GPHN: variants seen among roughly 807,000 people sequenced by gnomAD.
GPHN encodes gephyrin.
Under a neutral mutation model 95.5 loss-of-function variants are expected in GPHN, and 17 were observed. That is an observed-to-expected ratio of 0.18 (90% CI 0.12 to 0.27). The LOEUF (loss-of-function observed/expected upper bound fraction) is 0.27, where lower values mean the gene tolerates loss of function less well. Among genes scored for constraint, GPHN ranks in the 10% least tolerant of loss-of-function variants. GPHN has a pLI of 1.00. For missense variants in GPHN, 660 were observed against 978.1 expected (o/e 0.67, Z 4.34); for synonymous variants, 320 against 322.5 (o/e 0.99, Z 0.08).
chr14:66,522,929 A>G (rs1452732913), intron 1 of GPHN, among the ~76,000 whole-genome samples: 2 of 152,182 alleles, frequency 1.3e-5, no homozygotes, highest in East Asian at 3.9e-4. Flanking sequence ...ACTGGATGAA[A>G]TTCTATTTTG....
chr14:67,566,539 G>A, the GPHN span, among the ~76,000 whole-genome samples: 6 of 151,700 alleles, frequency 4.0e-5, no homozygotes, highest in Admixed American at 3.9e-4. Flanking sequence ...GAACTCAGAA[G>A]TTCAAGACCA....
chr14:66,619,161 A>G (rs2063177506), intron 1 of GPHN, among the ~76,000 whole-genome samples: 1 of 152,128 alleles, frequency 6.6e-6, no homozygotes, highest in African/African-American at 2.4e-5. Context: ...GGTTGTTTCT[A>G]GCTTTTGGCT....
intron 9 of GPHN, among the ~76,000 whole-genome samples, chr14:66,981,081 T>C (rs1015104955): frequency 6.6e-6 from 1 of 152,180 alleles, no homozygotes; most frequent in African/African-American, 2.4e-5. Context: ...GATAAAAATA[T>C]GGCAGAGGGG....
the GPHN span, among the ~76,000 whole-genome samples, chr14:67,367,210 C>A: frequency 6.6e-6 from 1 of 152,212 alleles, no homozygotes; most frequent in Non-Finnish European, 1.5e-5. Flanking sequence ...CAGATTCTGA[C>A]TGCCTGCTAA....
chr14:66,983,493 A>G (rs1036025234), intron 9 of GPHN, among the ~76,000 whole-genome samples: 9 of 152,210 alleles, frequency 5.9e-5, no homozygotes, highest in Non-Finnish European at 1.2e-4. Context: ...GCTGCAAAAA[A>G]ATCACATGAA....
intron 1 of GPHN, among the ~76,000 whole-genome samples, chr14:66,652,982 C>A (rs906056871): frequency 3.3e-5 from 5 of 152,206 alleles, no homozygotes; most frequent in African/African-American, 1.2e-4. Context: ...CTGGGCAGTT[C>A]TCCCTGTCAA....
intron 1 of GPHN, among the ~76,000 whole-genome samples, chr14:66,527,672 G>C (rs2058747366): frequency 1.3e-5 from 2 of 152,012 alleles, no homozygotes; most frequent in African/African-American, 4.8e-5. Flanking sequence ...TTGTGTCTTT[G>C]TTCTCATTGG....
At chr14:67,173,655 A>G (rs1019829051) in intron 21 of GPHN, among the ~76,000 whole-genome samples, 6 of 152,242 alleles carry the variant, frequency 3.9e-5, no homozygotes, top group African/African-American at 1.2e-4. Flanking sequence ...CAAAAAAGCA[A>G]GCAAATATAA....
At chr14:67,370,862 A>T in the GPHN span, among the ~76,000 whole-genome samples, 1 of 152,016 alleles carries the variant, frequency 6.6e-6, no homozygotes, top group Non-Finnish European at 1.5e-5. Context: ...TCATCTCTAC[A>T]GAAAGTAGAA....
At chr14:67,392,712 C>A in the GPHN span, 2 of 1,614,218 alleles carry the variant, frequency 1.2e-6, no homozygotes, top group Non-Finnish European at 1.7e-6. Context: ...GCCAGATCCC[C>A]AGAGCGAATG....
At chr14:66,893,932 T>C (rs1157858867) in intron 5 of GPHN, among the ~76,000 whole-genome samples, 3 of 152,068 alleles carry the variant, frequency 2.0e-5, no homozygotes, top group African/African-American at 4.8e-5. Context: ...AAAATGGCCA[T>C]ACTGCCCAAG....
At chr14:67,536,472 T>C in the GPHN span, among the ~76,000 whole-genome samples, 139,187 of 151,680 alleles carry the variant, frequency 0.92, 64,207 homozygotes, top group Non-Finnish European at 0.96. Flanking sequence ...ACTGAGGCAA[T>C]ATGAGAGAGC....
the GPHN span, among the ~76,000 whole-genome samples, chr14:67,712,508 A>G: frequency 7.5e-6 from 1 of 133,348 alleles, no homozygotes. Flanking sequence ...AAAAAAAAAA[A>G]AAAAAAAAAG....
At chr14:66,837,661 A>G (rs1351401914) in intron 4 of GPHN, among the ~76,000 whole-genome samples, 2 of 150,480 alleles carry the variant, frequency 1.3e-5, no homozygotes, top group Non-Finnish European at 3.0e-5. Flanking sequence ...AAATAAAAAG[A>G]CTGTTAAGTT....
At chr14:67,124,235 G>C (rs1188335662) in intron 17 of GPHN, among the ~76,000 whole-genome samples, 2 of 151,928 alleles carry the variant, frequency 1.3e-5, no homozygotes, top group Non-Finnish European at 2.9e-5. Context: ...GTGAAACCCT[G>C]TCTCTACTAA....
intron 12 of GPHN, among the ~76,000 whole-genome samples, chr14:67,092,371 CT>C (rs2077182773): frequency 6.6e-6 from 1 of 152,112 alleles, no homozygotes; most frequent in African/African-American, 2.4e-5. Flanking sequence ...CTCTCTACCC[CT>C]GTCTTCCTTT....
At chr14:66,671,168 T>C (rs1323945659) in intron 1 of GPHN, among the ~76,000 whole-genome samples, 2 of 152,250 alleles carry the variant, frequency 1.3e-5, no homozygotes, top group Non-Finnish European at 2.9e-5. Context: ...CTAATCTTGA[T>C]CCATTATCTT....
chr14:67,561,009 G>A, the GPHN span, among the ~76,000 whole-genome samples: 4 of 152,156 alleles, frequency 2.6e-5, no homozygotes, highest in Non-Finnish European at 5.9e-5. Context: ...AGGATTACGG[G>A]TGTGAGCCAC....
the GPHN span, chr14:67,345,810 A>G: frequency 1.2e-6 from 2 of 1,614,158 alleles, no homozygotes; most frequent in East Asian, 2.2e-5. Flanking sequence ...CTGCTTTGGC[A>G]TAATTCCTCT....
Sources: gnomAD v4.1 joint callset for allele counts (sites outside exome capture counted in the v4.1 genomes callset) on GRCh38, gnomAD v4.1.1 for gene constraint, MANE v1.5 for transcripts, NCBI Gene and HGNC (gene_info 2026-07-23, HGNC 2026-07-21) for gene names.